Variants in GPD2 observed in about 807,000 individuals in gnomAD.
The protein encoded by GPD2 is glycerol-3-phosphate dehydrogenase, mitochondrial.
A neutral mutation model predicts 82.4 loss-of-function variants in GPD2; 54 were observed. The ratio of observed to expected loss-of-function variants is 0.66; its 90% CI spans 0.53 to 0.82. The LOEUF (loss-of-function observed/expected upper bound fraction) is 0.82, where lower values mean the gene tolerates loss of function less well. Among genes scored for constraint, GPD2 ranks in the 40% least tolerant of loss-of-function variants. The pLI, the probability that GPD2 is intolerant of heterozygous loss-of-function variation, is 0.00. For synonymous variants in GPD2, 288 were observed against 306.1 expected (o/e 0.94, Z 0.62); for missense variants, 748 against 896.2 (o/e 0.83, Z 2.11).
the GPD2 span, among the ~76,000 whole-genome samples, chr2:156,422,127 A>C: frequency 6.6e-6 from 1 of 152,198 alleles, no homozygotes; most frequent in African/African-American, 2.4e-5. Context: ...AAAAGTATTT[A>C]AAATGTTCAT....
At chr2:156,462,342 A>G (rs181642035) in intron 1 of GPD2, among the ~76,000 whole-genome samples, 2 of 151,844 alleles carry the variant, frequency 1.3e-5, no homozygotes, top group Admixed American at 6.6e-5. Flanking sequence ...CTGGAGTCCA[A>G]TGGCGTGATC....
intron 2 of GPD2, among the ~76,000 whole-genome samples, chr2:156,490,247 T>G (rs1345491587): frequency 6.6e-6 from 1 of 152,158 alleles, no homozygotes; most frequent in African/African-American, 2.4e-5. Flanking sequence ...GCAGATGTGT[T>G]TTTGTGACTC....
intron 8 of GPD2, among the ~76,000 whole-genome samples, chr2:156,552,826 G>T (rs569699292): frequency 6.8e-6 from 1 of 147,282 alleles, no homozygotes; most frequent in African/African-American, 2.5e-5. Flanking sequence ...TCTGGGGTTT[G>T]TTCATCACTT....
intron 3 of GPD2, among the ~76,000 whole-genome samples, chr2:156,501,408 C>T (rs1229339585): frequency 6.6e-6 from 1 of 152,134 alleles, no homozygotes; most frequent in Non-Finnish European, 1.5e-5. Context: ...CATGTCTTGG[C>T]TTCATTGCTT....
At chr2:156,437,040 G>A (rs1681950448) in intron 1 of GPD2, among the ~76,000 whole-genome samples, 1 of 152,204 alleles carries the variant, frequency 6.6e-6, no homozygotes, top group African/African-American at 2.4e-5. Context: ...GGTGAATGAA[G>A]TGCTGCTCTT....
chr2:156,460,574 G>C (rs690998), intron 1 of GPD2, among the ~76,000 whole-genome samples: 138,407 of 152,006 alleles, frequency 0.91, 64,112 homozygotes, highest in South Asian at 1. Context: ...TTCTGGGTGC[G>C]TCAGCCTTTA....
At chr2:156,418,424 T>C in the GPD2 span, among the ~76,000 whole-genome samples, 2 of 151,328 alleles carry the variant, frequency 1.3e-5, no homozygotes, top group Admixed American at 1.3e-4. Flanking sequence ...AAAAGAAAAA[T>C]GTTACATTAA....
chr2:156,543,408 C>T (rs906658150), intron 6 of GPD2, among the ~76,000 whole-genome samples: 5 of 152,182 alleles, frequency 3.3e-5, no homozygotes, highest in Non-Finnish European at 7.4e-5. Flanking sequence ...CTTTTAGGAA[C>T]ATATCATTAG....
At chr2:156,438,374 T>A (rs1682024418) in intron 1 of GPD2, among the ~76,000 whole-genome samples, 1 of 152,244 alleles carries the variant, frequency 6.6e-6, no homozygotes, top group Non-Finnish European at 1.5e-5. Flanking sequence ...ATCCTATATT[T>A]TTCCTTCTTA....
chr2:156,413,685 A>G, the GPD2 span, among the ~76,000 whole-genome samples: 1 of 152,174 alleles, frequency 6.6e-6, no homozygotes, highest in East Asian at 1.9e-4. Context: ...TGGGCGGATC[A>G]CCTAAGGTCG....
intron 6 of GPD2, 132 bp downstream of exon 6, chr2:156,513,628 C>T (rs541930695): frequency 2.1e-5 from 15 of 723,440 alleles, no homozygotes; most frequent in Admixed American, 4.5e-5. Context: ...CACACGTGCA[C>T]GCACATATTC....
At chr2:156,456,873 T>C (rs1682807569) in intron 1 of GPD2, among the ~76,000 whole-genome samples, 1 of 152,124 alleles carries the variant, frequency 6.6e-6, no homozygotes, top group South Asian at 2.1e-4. Context: ...GACACAGTGG[T>C]TAGCAAGCTC....
At chr2:156,422,585 C>T in the GPD2 span, among the ~76,000 whole-genome samples, 4 of 151,850 alleles carry the variant, frequency 2.6e-5, no homozygotes, top group African/African-American at 4.8e-5. Context: ...AAAAAATTAG[C>T]GGGGCATGGT....
chr2:156,451,832 GCTC>G (rs967749839), intron 1 of GPD2, among the ~76,000 whole-genome samples: 2 of 151,486 alleles, frequency 1.3e-5, no homozygotes, highest in African/African-American at 4.9e-5. Context: ...AGGCGGAGGG[GCTC>G]CTCACTTCTC....
the GPD2 span, among the ~76,000 whole-genome samples, chr2:156,405,456 C>T: frequency 6.6e-6 from 1 of 152,124 alleles, no homozygotes; most frequent in Non-Finnish European, 1.5e-5. Flanking sequence ...GCTGAGGACG[C>T]AGCCTTAGGG....
rs1478223917 is a variant in GPD2 at position 156,558,829 on chromosome 2, G to T, written c.1165+1247G>T. Among the ~76,000 whole-genome samples the T allele has an allele frequency of 2.4e-5, 3 of 127,306 alleles. No individual in the cohort carries two copies. The East Asian group carries it at 7.3e-4, about 31-fold the overall frequency. 83.5% of individuals were successfully genotyped at this position (127,306 alleles called of 152,430 possible). A position where few individuals can be genotyped will look rare whatever the true frequency, so the allele number is the denominator to read the frequency against. On this transcript the variant is annotated intron_variant, in intron 9 of 16. Coordinates refer to ENST00000438166, the MANE Select transcript of GPD2 (RefSeq NM_000408.5). Reference sequence around the variant, plus strand: ...GACAGTGTTTCACTATGTTGGCCAGGTTGGTCTCAAACTCCTGACCTCATG... The same window carrying T: ...GACAGTGTTTCACTATGTTGGCCAGTTTGGTCTCAAACTCCTGACCTCATG...
intron 1 of GPD2, among the ~76,000 whole-genome samples, chr2:156,458,592 T>C (rs1377457200): frequency 1.3e-5 from 2 of 152,248 alleles, no homozygotes; most frequent in Non-Finnish European, 2.9e-5. Context: ...CAAAGATTCC[T>C]AATAAATTGT....
chr2:156,495,381 TA>T (rs1358395104), intron 2 of GPD2, among the ~76,000 whole-genome samples: 6 of 152,194 alleles, frequency 3.9e-5, no homozygotes, highest in African/African-American at 1.4e-4. Context: ...ATGGTATATT[TA>T]TATTACTTTC....
chr2:156,504,152 A>G (rs1231267107), intron 3 of GPD2, among the ~76,000 whole-genome samples: 1 of 152,172 alleles, frequency 6.6e-6, no homozygotes, highest in African/African-American at 2.4e-5. Flanking sequence ...TCATATATTT[A>G]TATAAAATGC....
Sources: allele counts gnomAD v4.1 joint callset (sites outside exome capture counted in the v4.1 genomes callset), GRCh38; gene constraint gnomAD v4.1.1; transcripts MANE v1.5; gene names NCBI Gene and HGNC (gene_info 2026-07-23, HGNC 2026-07-21).